BMP6: variants seen among roughly 807,000 people sequenced by gnomAD.
BMP6 encodes bone morphogenetic protein 6.
Under a neutral mutation model 54.1 loss-of-function variants are expected in BMP6, and 17 were observed. The ratio of observed to expected loss-of-function variants is 0.31; its 90% CI spans 0.22 to 0.47. The LOEUF is 0.47. Among genes scored for constraint, BMP6 ranks in the 20% least tolerant of loss-of-function variants. The pLI, the probability that BMP6 is intolerant of heterozygous loss-of-function variation, is 1.00. For synonymous variants in BMP6, 328 were observed against 291.2 expected (o/e 1.13, Z -1.28); for missense variants, 720 against 690.4 (o/e 1.04, Z -0.48).
At chr6:7,821,692 G>A (rs1249710061) in intron 1 of BMP6, among the ~76,000 whole-genome samples, 1 of 152,150 alleles carries the variant, frequency 6.6e-6, no homozygotes, top group Non-Finnish European at 1.5e-5. Context: ...ACTGCAGTGG[G>A]TATAGTAATG....
intron 1 of BMP6, among the ~76,000 whole-genome samples, chr6:7,737,052 G>T (rs1761965927): frequency 6.6e-6 from 1 of 152,084 alleles, no homozygotes; most frequent in African/African-American, 2.4e-5. Flanking sequence ...GCCAGGCGTG[G>T]GAGCACACCT....
chr6:7,854,475 C>T (rs1430818621), intron 2 of BMP6, among the ~76,000 whole-genome samples: 1 of 152,138 alleles, frequency 6.6e-6, no homozygotes, highest in East Asian at 1.9e-4. Flanking sequence ...AGAACTAAAA[C>T]ATGTAATATT....
chr6:7,813,458 CAAAA>C (rs58314970), intron 1 of BMP6, among the ~76,000 whole-genome samples: 963 of 64,362 alleles, frequency 0.015, 4 homozygotes, highest in African/African-American at 0.052. Context: ...CCTGTCTCTA[CAAAA>C]AAAAAAAAAA....
At chr6:7,862,200 G>T (rs2113277668) in intron 3 of BMP6, 101 bp from the exon 4 acceptor site, 1 of 1,366,594 alleles carries the variant, frequency 7.3e-7, no homozygotes, top group Non-Finnish European at 1.0e-6. Flanking sequence ...TCATTCTTAA[G>T]GATTAGCACT....
chr6:7,848,450 C>G (rs1759098570), intron 2 of BMP6, among the ~76,000 whole-genome samples: 2 of 152,128 alleles, frequency 1.3e-5, no homozygotes, highest in South Asian at 4.2e-4. Flanking sequence ...ACTGACTCAG[C>G]TATGTGAAGA....
At chr6:7,808,014 G>A (rs541282252) in intron 1 of BMP6, among the ~76,000 whole-genome samples, 15 of 149,724 alleles carry the variant, frequency 1.0e-4, no homozygotes, top group East Asian at 8.0e-4. Flanking sequence ...TCCACTTCGC[G>A]GGTTCACGCC....
At chr6:7,776,251 T>G (rs545785297) in intron 1 of BMP6, among the ~76,000 whole-genome samples, 40 of 152,356 alleles carry the variant, frequency 2.6e-4, no homozygotes, top group African/African-American at 9.1e-4. Flanking sequence ...GCTCAGAACT[T>G]CCATCACTGC....
intron 1 of BMP6, among the ~76,000 whole-genome samples, chr6:7,778,107 T>C (rs1244204141): frequency 6.6e-6 from 1 of 152,220 alleles, no homozygotes; most frequent in Non-Finnish European, 1.5e-5. Flanking sequence ...TACTGTTTAC[T>C]GACTGTCGGC....
At chr6:7,877,117 T>A (rs970019336) in intron 4 of BMP6, among the ~76,000 whole-genome samples, 4 of 152,188 alleles carry the variant, frequency 2.6e-5, no homozygotes, top group Non-Finnish European at 5.9e-5. Context: ...TGATTGTTTT[T>A]ACTGAGAGAG....
At chr6:7,836,316 G>A (rs976538448) in intron 1 of BMP6, among the ~76,000 whole-genome samples, 3 of 152,084 alleles carry the variant, frequency 2.0e-5, no homozygotes, top group African/African-American at 7.2e-5. Flanking sequence ...AAGTCATTTG[G>A]AATAAAAGGG....
At chr6:7,827,544 C>T (rs1308232439) in intron 1 of BMP6, among the ~76,000 whole-genome samples, 1 of 152,186 alleles carries the variant, frequency 6.6e-6, no homozygotes, top group African/African-American at 2.4e-5. Context: ...CCTTCTCCAG[C>T]CCAGTATTTC....
At chr6:7,840,945 A>G (rs181123848) in intron 1 of BMP6, among the ~76,000 whole-genome samples, 58 of 152,308 alleles carry the variant, frequency 3.8e-4, no homozygotes, top group African/African-American at 1.4e-3. Flanking sequence ...TAGAGGGAGC[A>G]GCCGTCAGTC....
At chr6:7,801,118 T>C (rs1194824220) in intron 1 of BMP6, among the ~76,000 whole-genome samples, 1 of 152,208 alleles carries the variant, frequency 6.6e-6, no homozygotes, top group East Asian at 1.9e-4. Flanking sequence ...TATTTCTAAA[T>C]TGATGCTCTC....
intron 2 of BMP6, among the ~76,000 whole-genome samples, chr6:7,855,601 G>A (rs994692147): frequency 5.8e-5 from 7 of 120,196 alleles, no homozygotes; most frequent in Admixed American, 2.4e-4. Flanking sequence ...GTGCTCTGTC[G>A]CTCAGGCTGG....
At chr6:7,803,175 C>A (rs557324678) in intron 1 of BMP6, among the ~76,000 whole-genome samples, 15 of 152,258 alleles carry the variant, frequency 9.9e-5, no homozygotes, top group African/African-American at 2.6e-4. Context: ...GCAGAGGGAG[C>A]AGCGTACATC....
intron 1 of BMP6, among the ~76,000 whole-genome samples, chr6:7,786,715 T>G (rs919613060): frequency 6.6e-6 from 1 of 152,108 alleles, no homozygotes; most frequent in African/African-American, 2.4e-5. Context: ...TAGCACTTCA[T>G]GAGAATACAC....
intron 1 of BMP6, among the ~76,000 whole-genome samples, chr6:7,837,591 T>G (rs1238170325): frequency 6.6e-6 from 1 of 152,090 alleles, no homozygotes; most frequent in Non-Finnish European, 1.5e-5. Context: ...GGAGCTAAGC[T>G]ATGAGGATGC....
intron 1 of BMP6, among the ~76,000 whole-genome samples, chr6:7,831,660 C>T (rs769704969): frequency 1.3e-5 from 2 of 152,152 alleles, no homozygotes; most frequent in Non-Finnish European, 2.9e-5. Context: ...TTGAAGTTTG[C>T]ATCCTGAATT....
chr6:7,750,740 A>G (rs1480078962), intron 1 of BMP6, among the ~76,000 whole-genome samples: 1 of 152,210 alleles, frequency 6.6e-6, no homozygotes, highest in Non-Finnish European at 1.5e-5. Context: ...AAGATTTAAA[A>G]TGGCAAGATT....
Sources: allele counts gnomAD v4.1 joint callset (sites outside exome capture counted in the v4.1 genomes callset), GRCh38; gene constraint gnomAD v4.1.1; transcripts MANE v1.5; gene names NCBI Gene and HGNC (gene_info 2026-07-23, HGNC 2026-07-21).